The following NRXN3 variants were observed in gnomAD, a reference collection of about 807,000 sequenced individuals.
NRXN3 encodes neurexin 3.
A neutral mutation model predicts 137.6 loss-of-function variants in NRXN3; 32 were observed. The ratio of observed to expected loss-of-function variants is 0.23; its 90% CI spans 0.18 to 0.31. The LOEUF is 0.31. NRXN3 is among the 10% of genes least tolerant of loss of function. The pLI is 1.00. For missense variants in NRXN3, 1,574 were observed against 2,062.5 expected, an observed-to-expected ratio of 0.76 and a Z score of 4.59; for synonymous variants, 798 against 784.5, an observed-to-expected ratio of 1.02 and a Z score of -0.29.
Position 79,008,779 on chromosome 14 carries a change from C to T in NRXN3, c.3262+20638C>T, listed in dbSNP as rs184880275. 2.2e-4 allele frequency among the ~76,000 whole-genome samples: 34 copies of T among 152,008 alleles called. No individual in the cohort carries two copies. The East Asian group carries it at 6.4e-3, about 29-fold the overall frequency. On this transcript the variant is annotated intron_variant, in intron 15 of 20. Coordinates refer to ENST00000335750, the MANE Select transcript of NRXN3 (RefSeq NM_001330195.2). The stretch of plus-strand genomic sequence containing the variant: ...GTTAAACTGATTCTCCTGCCTCAGC[C>T]TCCCGAGTAGCTGGGATTATAGGCG...
intron 15 of NRXN3, among the ~76,000 whole-genome samples, chr14:79,064,202 G>A (rs898809401): frequency 2.6e-5 from 4 of 152,176 alleles, no homozygotes; most frequent in Non-Finnish European, 5.9e-5. Flanking sequence ...ACAGCCGTGA[G>A]TAGAGCCCAG....
intron 4 of NRXN3, among the ~76,000 whole-genome samples, chr14:78,564,325 A>C (rs926010949): frequency 2.0e-5 from 3 of 152,162 alleles, no homozygotes; most frequent in African/African-American, 7.2e-5. Context: ...CTCTGTCAAG[A>C]GCAACCTCAC....
intron 4 of NRXN3, among the ~76,000 whole-genome samples, chr14:78,627,911 C>T (rs1006384834): frequency 6.6e-6 from 1 of 152,036 alleles, no homozygotes; most frequent in East Asian, 1.9e-4. Flanking sequence ...TATGTAAGTA[C>T]CTTGAGGTAA....
In NRXN3 at chr14:79,861,922, C is replaced by T; in HGVS notation, c.4674C>T (p.Gly1558=). The change falls in exon 21 of 21, where the codon GGC becomes GGT. Residue 1558 remains glycine (G), a synonymous_variant. Coordinates refer to ENST00000335750, the MANE Select transcript of NRXN3 (RefSeq NM_001330195.2). The surrounding 1 kb of genome is among the most constrained non-coding windows in gnomAD (Gnocchi z 5.4). The part of the protein sequence containing the change: ...MKEKQQSSKS[G]HKKQKNKDRE... Reference sequence around the variant, plus strand: ...AGAAGCAGCAGAGCTCGAAGAGCGGCCACAAGAAACAGAAAAACAAGGACA... The same window carrying T: ...AGAAGCAGCAGAGCTCGAAGAGCGGTCACAAGAAACAGAAAAACAAGGACA... 6.2e-7 allele frequency: 1 copy of T among 1,613,688 alleles called. No homozygotes were observed. The highest frequency in any genetic ancestry group is 8.5e-7 in the Non-Finnish European group (1 of 1,179,828).
chr14:78,963,917 C>T (rs1209956976), intron 11 of NRXN3, among the ~76,000 whole-genome samples: 1 of 151,846 alleles, frequency 6.6e-6, no homozygotes, highest in Non-Finnish European at 1.5e-5. Flanking sequence ...AGGTACATAC[C>T]TCTATGCCTG....
At chr14:79,432,448 A>G (rs1347843427) in intron 15 of NRXN3, among the ~76,000 whole-genome samples, 1 of 152,110 alleles carries the variant, frequency 6.6e-6, no homozygotes, top group Admixed American at 6.6e-5. Flanking sequence ...TTTCTCTTCA[A>G]TTGACAAGGC....
chr14:79,301,612 A>T (rs2085149795), intron 15 of NRXN3, among the ~76,000 whole-genome samples: 1 of 152,060 alleles, frequency 6.6e-6, no homozygotes, highest in African/African-American at 2.4e-5. Context: ...ACCCTTGCAC[A>T]TCATCCCTTG....
At chr14:79,531,668 G>T (rs985213184) in intron 16 of NRXN3, among the ~76,000 whole-genome samples, 3 of 152,144 alleles carry the variant, frequency 2.0e-5, no homozygotes, top group Admixed American at 1.3e-4. Flanking sequence ...ATGATCTTTA[G>T]TATCATCAAT....
intron 19 of NRXN3, among the ~76,000 whole-genome samples, chr14:79,698,884 A>C (rs1317147657): frequency 6.6e-6 from 1 of 152,032 alleles, no homozygotes; most frequent in East Asian, 1.9e-4. Context: ...ACTGACTCCA[A>C]TGGACGTGGT....
chr14:78,971,321 T>C (rs1318645924), intron 14 of NRXN3, among the ~76,000 whole-genome samples: 1 of 152,034 alleles, frequency 6.6e-6, no homozygotes, highest in Non-Finnish European at 1.5e-5. Context: ...TTCTTTTACA[T>C]AGAACAGTAA....
At chr14:79,854,724 G>A (rs1415445063) in intron 20 of NRXN3, among the ~76,000 whole-genome samples, 1 of 152,316 alleles carries the variant, frequency 6.6e-6, no homozygotes. Context: ...GCTCCAAGTA[G>A]TACCAGTGGT....
At chr14:78,355,791 G>A (rs376520476) in intron 4 of NRXN3, among the ~76,000 whole-genome samples, 3 of 152,114 alleles carry the variant, frequency 2.0e-5, no homozygotes, top group East Asian at 1.9e-4. Flanking sequence ...GAGATTTTAC[G>A]GATACGTCAT....
chr14:79,332,049 G>C (rs1302796216), intron 15 of NRXN3, among the ~76,000 whole-genome samples: 7 of 152,148 alleles, frequency 4.6e-5, no homozygotes, highest in African/African-American at 1.7e-4. Flanking sequence ...TGTTTTGTTA[G>C]CTCTCAGCAT....
At chr14:79,467,475 C>A (rs935766530) in intron 16 of NRXN3, 73 bp downstream of exon 16, 2 of 1,357,480 alleles carry the variant, frequency 1.5e-6, no homozygotes, top group African/African-American at 1.4e-5. Context: ...GTAGACGCAG[C>A]AGAACATTCT....
chr14:79,827,040 C>CA, intron 20 of NRXN3, among the ~76,000 whole-genome samples: 1 of 152,130 alleles, frequency 6.6e-6, no homozygotes, highest in African/African-American at 2.4e-5. Context: ...TTTCACTTAG[C>CA]TGCAGATTGA....
chr14:78,465,965 C>T (rs2095093134), intron 4 of NRXN3, among the ~76,000 whole-genome samples: 1 of 152,020 alleles, frequency 6.6e-6, no homozygotes, highest in African/African-American at 2.4e-5. Context: ...CGTTCTCCTG[C>T]CTCAGCCTCC....
At chr14:78,590,302 C>A (rs1368796234) in intron 4 of NRXN3, among the ~76,000 whole-genome samples, 1 of 152,108 alleles carries the variant, frequency 6.6e-6, no homozygotes, top group Non-Finnish European at 1.5e-5. Flanking sequence ...AGATCGTGAT[C>A]CCATTCCCCT....
At chr14:78,830,403 T>G (rs2098978364) in intron 10 of NRXN3, among the ~76,000 whole-genome samples, 1 of 152,150 alleles carries the variant, frequency 6.6e-6, no homozygotes. Context: ...GAATAAAATT[T>G]TATTAAAGAT....
chr14:79,059,544 AC>A (rs1278468992), intron 15 of NRXN3, among the ~76,000 whole-genome samples: 1 of 152,078 alleles, frequency 6.6e-6, no homozygotes, highest in Non-Finnish European at 1.5e-5. Flanking sequence ...GGCATGAGCC[AC>A]CGCGCCTGGC....
Sources: allele counts gnomAD v4.1 joint callset (sites outside exome capture counted in the v4.1 genomes callset), GRCh38; gene constraint gnomAD v4.1.1; non-coding constraint Gnocchi (gnomAD v3.1); transcripts MANE v1.5; gene names NCBI Gene and HGNC (gene_info 2026-07-23, HGNC 2026-07-21).